The following DCC variants were observed in gnomAD, a reference collection of about 807,000 sequenced individuals.
DCC encodes netrin receptor DCC.
In DCC, 58 loss-of-function variants were observed where a neutral mutation model predicts 172.5. The ratio of observed to expected loss-of-function variants is 0.34; its 90% CI spans 0.27 to 0.42. The LOEUF is 0.42. DCC is among the 10% of genes least tolerant of loss of function. The pLI, the probability that DCC is intolerant of heterozygous loss-of-function variation, is 1.00. For synonymous variants in DCC, 709 were observed against 644.5 expected (o/e 1.10, Z -1.52); for missense variants, 1,740 against 1,791.0 (o/e 0.97, Z 0.51).
At chr18:52,347,491 A>G (rs1983929758) in intron 1 of DCC, among the ~76,000 whole-genome samples, 1 of 152,096 alleles carries the variant, frequency 6.6e-6, no homozygotes, top group Non-Finnish European at 1.5e-5. Flanking sequence ...TCAATTGACC[A>G]TGGACTGTTA....
At chr18:53,148,869 T>TTTTC (rs2043957437) in intron 7 of DCC, among the ~76,000 whole-genome samples, 1 of 145,208 alleles carries the variant, frequency 6.9e-6, no homozygotes, top group Admixed American at 6.8e-5. Flanking sequence ...CAATGCCTTT[T>TTTTC]TTTTTTTTTT....
chr18:53,080,871 T>C (rs774447544), intron 7 of DCC, among the ~76,000 whole-genome samples: 1 of 152,062 alleles, frequency 6.6e-6, no homozygotes, highest in Non-Finnish European at 1.5e-5. Flanking sequence ...GGCCTTATCA[T>C]GCATCTTTAG....
At chr18:53,010,726 G>T (rs975427061) in intron 5 of DCC, among the ~76,000 whole-genome samples, 1 of 150,472 alleles carries the variant, frequency 6.6e-6, no homozygotes, top group Non-Finnish European at 1.5e-5. Flanking sequence ...TATTTATAAT[G>T]TTTATGATAT....
At chr18:52,892,011 G>T (rs1047300338) in intron 2 of DCC, among the ~76,000 whole-genome samples, 1 of 152,040 alleles carries the variant, frequency 6.6e-6, no homozygotes, top group Non-Finnish European at 1.5e-5. Flanking sequence ...GAAATAAAAT[G>T]CAGACTTACT....
chr18:53,193,973 T>A (rs1445128155), intron 9 of DCC, among the ~76,000 whole-genome samples: 1 of 152,196 alleles, frequency 6.6e-6, no homozygotes, highest in African/African-American at 2.4e-5. Context: ...TCTATACCTG[T>A]CATTTATTGC....
At chr18:52,759,404 C>T (rs1424104855) in intron 2 of DCC, among the ~76,000 whole-genome samples, 1 of 151,892 alleles carries the variant, frequency 6.6e-6, no homozygotes, top group Non-Finnish European at 1.5e-5. Context: ...ACAAAATAAC[C>T]TAAAAAAAAT....
At chr18:52,856,016 C>A (rs8088653) in intron 2 of DCC, among the ~76,000 whole-genome samples, 1 of 151,762 alleles carries the variant, frequency 6.6e-6, no homozygotes, top group South Asian at 2.1e-4. Context: ...CCACCTGCCT[C>A]GGCCTCCCAA....
intron 13 of DCC, among the ~76,000 whole-genome samples, chr18:53,318,962 A>G (rs1434994239): frequency 6.6e-6 from 1 of 152,178 alleles, no homozygotes; most frequent in African/African-American, 2.4e-5. Flanking sequence ...AATATTCAAC[A>G]TTCTTAAGGA....
chr18:52,504,757 CT>C (rs1568202471), intron 1 of DCC, among the ~76,000 whole-genome samples: 1 of 152,028 alleles, frequency 6.6e-6, no homozygotes, highest in Admixed American at 6.6e-5. Context: ...TATGCTCTAC[CT>C]TTGTGCCGCC....
intron 1 of DCC, among the ~76,000 whole-genome samples, chr18:52,564,204 T>A (rs1011871339): frequency 1.3e-5 from 2 of 152,116 alleles, no homozygotes; most frequent in Non-Finnish European, 2.9e-5. Flanking sequence ...AAGTAAAAGA[T>A]GACAATAAAT....
At chr18:53,376,978 T>C (rs1907335150) in intron 15 of DCC, among the ~76,000 whole-genome samples, 1 of 152,202 alleles carries the variant, frequency 6.6e-6, no homozygotes, top group Non-Finnish European at 1.5e-5. Context: ...CAATAGCTTC[T>C]GTAGTATTCC....
chr18:53,146,904 T>G (rs977097853), intron 7 of DCC, among the ~76,000 whole-genome samples: 21 of 152,204 alleles, frequency 1.4e-4, no homozygotes, highest in African/African-American at 3.6e-4. Flanking sequence ...CAAATCAATA[T>G]GGATCTTTAG....
intron 3 of DCC, among the ~76,000 whole-genome samples, chr18:52,907,216 T>G (rs1312932551): frequency 7.2e-6 from 1 of 138,312 alleles, no homozygotes; most frequent in South Asian, 2.3e-4. Context: ...ATACATGATA[T>G]ATATCATATA....
chr18:52,857,847 C>A (rs1181661992), intron 2 of DCC, among the ~76,000 whole-genome samples: 3 of 152,188 alleles, frequency 2.0e-5, no homozygotes, highest in African/African-American at 7.2e-5. Context: ...TGAGCCAAAT[C>A]TGTGCAAATG....
chr18:52,687,519 A>G (rs2035861022), intron 1 of DCC, among the ~76,000 whole-genome samples: 1 of 152,052 alleles, frequency 6.6e-6, no homozygotes, highest in Non-Finnish European at 1.5e-5. Context: ...TCCTGACCTC[A>G]GGTGATCCGC....
chr18:53,412,541 A>G (rs1402509143), intron 20 of DCC, among the ~76,000 whole-genome samples: 2 of 152,080 alleles, frequency 1.3e-5, no homozygotes, highest in Non-Finnish European at 2.9e-5. Context: ...CTGATTTAAG[A>G]TTTTCACTTC....
intron 1 of DCC, among the ~76,000 whole-genome samples, chr18:52,650,274 C>G (rs550761907): frequency 6.6e-6 from 1 of 152,000 alleles, no homozygotes; most frequent in Non-Finnish European, 1.5e-5. Flanking sequence ...CCACCACACC[C>G]GGCCTCTATT....
At chr18:53,188,790 A>G (rs189716717) in intron 9 of DCC, among the ~76,000 whole-genome samples, 1 of 152,160 alleles carries the variant, frequency 6.6e-6, no homozygotes, top group Non-Finnish European at 1.5e-5. Context: ...GCCTCTTCCT[A>G]GCTTCTGGTG....
intron 3 of DCC, among the ~76,000 whole-genome samples, chr18:52,909,047 T>C (rs1424001958): frequency 5.3e-5 from 8 of 152,054 alleles, no homozygotes; most frequent in Admixed American, 1.3e-4. Flanking sequence ...AGAGGTCAAA[T>C]TCACAGATGC....
Sources: allele counts gnomAD v4.1 joint callset (sites outside exome capture counted in the v4.1 genomes callset), GRCh38; gene constraint gnomAD v4.1.1; transcripts MANE v1.5; gene names NCBI Gene and HGNC (gene_info 2026-07-23, HGNC 2026-07-21).